HES1: variants seen among roughly 807,000 people sequenced by gnomAD.
HES1 encodes hes family bHLH transcription factor 1, also known as transcription factor HES-1.
A neutral mutation model predicts 21.0 loss-of-function variants in HES1; 7 were observed. The observed-to-expected ratio is 0.33, with a 90% CI of 0.19 to 0.63. The LOEUF is 0.63. Ranked by LOEUF, HES1 falls within the 20% of genes least tolerant of loss-of-function variation. The pLI, the probability that HES1 is intolerant of heterozygous loss-of-function variation, is 0.78. For missense variants in HES1, 338 were observed against 389.8 expected, an observed-to-expected ratio of 0.87 and a Z score of 1.12; for synonymous variants, 169 against 171.2, an observed-to-expected ratio of 0.99 and a Z score of 0.10.
Position 194,138,272 on chromosome 3 carries a change from C to T in HES1, c.*39C>T, listed in dbSNP as rs1715398172. ...ACCCCTCCTCCTAAACTCCCCAACC[C>T]ACCTCTCTTCCCTCCGGACTCTAAA... On this transcript the variant is annotated 3_prime_UTR_variant, in exon 4 of 4. Transcript: ENST00000232424. 2.0e-6 allele frequency: 3 copies of T among 1,485,792 alleles called. No homozygotes were observed. Among genetic ancestry groups the T allele is most frequent in the Non-Finnish European group, 2.7e-6 (3 of 1,117,256 alleles). 92.0% of individuals were successfully genotyped at this position (1,485,792 alleles called of 1,614,324 possible). A position where few individuals can be genotyped will look rare whatever the true frequency, so the allele number is the denominator to read the frequency against.
rs764826377 is a variant in HES1, at chr3:194,137,084, T to TC, written c.292+39dup. The TC allele has an allele frequency of 4.7e-5, 74 of 1,559,184 alleles. No individual in the cohort carries two copies. The African/African-American group carries it at 8.4e-4, about 18-fold the overall frequency. ...CTCGCCGCGTCCCCCTGTGCGGGCG[T>TC]CCCGCTCGCCTCGCGGTGATTTCTT... On this transcript the variant is annotated intron_variant, in intron 3 of 3. Coordinates refer to ENST00000232424, the MANE Select transcript of HES1 (RefSeq NM_005524.4). This position sits in a 1 kb window ranked among gnomAD's most constrained non-coding sequence, Gnocchi z 5.4.
chr3:194,138,082 T>G lies in HES1; in HGVS notation c.692T>G (p.Phe231Cys). Residue 231 changes from phenylalanine to cysteine, a missense_variant, in exon 4 of 4, where the codon TTC becomes TGC. Transcript: ENST00000232424. ...VVPAPDGQFA[F>C]LIPNGAFAHS... ...CCGGCTCCCGATGGCCAGTTTGCTT[T>G]CCTCATTCCCAACGGGGCCTTCGCG... 6.2e-7 allele frequency: 1 copy of G among 1,611,610 alleles called. No individual in the cohort carries two copies. The highest frequency in any genetic ancestry group is 8.5e-7 in the Non-Finnish European group (1 of 1,179,326).
At position 194,137,509 on chromosome 3, in the gene HES1, A is replaced by G. The variant is rs946448003; in HGVS notation, c.293-174A>G. ...AGGAGTGGCTCGGCTTTTGGCAGCA[A>G]CGCTAGTGTGGAGAGGTGGCTGGTT... On this transcript the variant is annotated intron_variant, in intron 3 of 3. Transcript: ENST00000232424. This position sits in a 1 kb window ranked among gnomAD's most constrained non-coding sequence, Gnocchi z 5.4. Among the ~76,000 whole-genome samples, 25 of 152,168 alleles carry G rather than the reference A, an allele frequency of 1.6e-4. No homozygotes were observed. Among genetic ancestry groups the G allele is most frequent in the African/African-American group, 6.0e-4 (25 of 41,444 alleles).
chr3:194,138,558 C>T lies in HES1; in HGVS notation c.*325C>T, dbSNP rs755187324. The stretch of plus-strand genomic sequence containing the variant: ...TTGAAAATGCTCTTAAAATATCTTC[C>T]TTTGGGGAAGTTTATTTGAGAAAAT... On this transcript the variant is annotated 3_prime_UTR_variant, in exon 4 of 4. Coordinates refer to ENST00000232424, the MANE Select transcript of HES1 (RefSeq NM_005524.4). 20 of 246,496 alleles carry T rather than the reference C, an allele frequency of 8.1e-5. No individual in the cohort carries two copies. The highest frequency in any genetic ancestry group is 1.4e-4 in the Non-Finnish European group (19 of 131,132). 15.3% of individuals were successfully genotyped at this position (246,496 alleles called of 1,614,324 possible).
Position 194,137,924 on chromosome 3 carries a change from C to G in HES1, c.534C>G (p.His178Gln). 3 of 1,305,870 alleles carry G rather than the reference C, an allele frequency of 2.3e-6. No homozygotes were observed. Among genetic ancestry groups the G allele is most frequent in the Non-Finnish European group, 2.9e-6 (3 of 1,027,292 alleles). 80.9% of individuals were successfully genotyped at this position (1,305,870 alleles called of 1,614,324 possible). A position where few individuals can be genotyped will look rare whatever the true frequency, so the allele number is the denominator to read the frequency against. The change falls in exon 4 of 4, where the codon CAC becomes CAG. Residue 178 changes from histidine to glutamine, a missense_variant. Coordinates refer to ENST00000232424, the MANE Select transcript of HES1 (RefSeq NM_005524.4). The surrounding 1 kb of genome is among the most constrained non-coding windows in gnomAD (Gnocchi z 5.4). ...CACCGGGACCCGGCGGCCCCCAGCA[C>G]GCGCCGTTCGCGCCGCCGCCGCCAC... ...PPPPGPGGPQHAPFAPPPPLV... is the reference protein window; with the variant it reads ...PPPPGPGGPQQAPFAPPPPLV...
chr3:194,136,154 G>A lies in HES1; in HGVS notation c.-227G>A, dbSNP rs1184628872. 2.1e-6 allele frequency: 1 copy of A among 475,682 alleles called. No homozygotes were observed. Among genetic ancestry groups the A allele is most frequent in the Non-Finnish European group, 3.8e-6 (1 of 265,832 alleles). 29.5% of individuals were successfully genotyped at this position (475,682 alleles called of 1,614,324 possible). The stretch of plus-strand genomic sequence containing the variant: ...CCGCCAGGGCCTAGGGATCACACAG[G>A]ATCCGGAGCTGGTGCTGATAACAGC... On this transcript the variant is annotated 5_prime_UTR_variant, in exon 1 of 4. Coordinates refer to ENST00000232424, the MANE Select transcript of HES1 (RefSeq NM_005524.4).
chr3:194,136,443 C>T lies in HES1; in HGVS notation c.63C>T (p.Val21=), dbSNP rs1029869633. 1 of 1,612,080 alleles carries T rather than the reference C, an allele frequency of 6.2e-7. No individual in the cohort carries two copies. The highest frequency in any genetic ancestry group is 1.3e-5 in the African/African-American group (1 of 74,494). The change falls in exon 1 of 4, where the codon GTC becomes GTT. Residue 21 remains valine, a synonymous_variant. Coordinates refer to ENST00000232424, the MANE Select transcript of HES1 (RefSeq NM_005524.4). ...SSPVAATPAS[V]NTTPDKPKTA... ...CGGTGGCTGCTACCCCAGCCAGTGTCAACACGACACCGGATAAACCAAAGA... is the reference window on the plus strand; with the variant it reads ...CGGTGGCTGCTACCCCAGCCAGTGTTAACACGACACCGGATAAACCAAAGA...
chr3:194,138,107 G>T lies in HES1; in HGVS notation c.717G>T (p.Ala239=), dbSNP rs764280631. 16 of 1,612,044 alleles carry T rather than the reference G, an allele frequency of 9.9e-6. 1 individual carries two copies. The South Asian group carries it at 1.4e-4, about 14-fold the overall frequency. The change falls in exon 4 of 4, where the codon GCG becomes GCT. Residue 239 remains alanine, a synonymous_variant. Coordinates refer to ENST00000232424, the MANE Select transcript of HES1 (RefSeq NM_005524.4). ...FAFLIPNGAF[A]HSGPVIPVYT... is the part of the protein sequence containing the mutation. ...TCCTCATTCCCAACGGGGCCTTCGCGCACAGCGGCCCTGTCATCCCCGTCT... is the reference window on the plus strand; with the variant it reads ...TCCTCATTCCCAACGGGGCCTTCGCTCACAGCGGCCCTGTCATCCCCGTCT...
Position 194,137,122 on chromosome 3 carries a change from C to A in HES1, c.292+74C>A. On this transcript the variant is annotated intron_variant, in intron 3 of 3. Coordinates refer to ENST00000232424, the MANE Select transcript of HES1 (RefSeq NM_005524.4). The surrounding 1 kb of genome is among the most constrained non-coding windows in gnomAD (Gnocchi z 5.4). ...GCGGTGATTTCTTCCAGACTTCCGC[C>A]CGTGGTTGTGAGAGGCATTCAGCTA... 1.5e-6 allele frequency: 2 copies of A among 1,324,066 alleles called. No homozygotes were observed. Among genetic ancestry groups the A allele is most frequent in the South Asian group, 1.2e-5 (1 of 84,944 alleles). 82.0% of individuals were successfully genotyped at this position (1,324,066 alleles called of 1,614,324 possible).
intron 1 of HES1, 42 bp from the exon 2 acceptor site, chr3:194,136,575 G>T: frequency 6.3e-7 from 1 of 1,576,100 alleles, no homozygotes; most frequent in Non-Finnish European, 8.7e-7. Flanking sequence ...CCCCGGGATG[G>T]CAGATTCCAT....
chr3:194,137,023 G>C lies in HES1; in HGVS notation c.267G>C (p.Arg89=). The part of the protein sequence containing the change: ...DILEMTVKHL[R]NLQRAQMTAA... ...TGGAAATGACAGTGAAGCACCTCCG[G>C]AACCTGCAGCGGGCGCAGATGACGG... The change falls in exon 3 of 4, where the codon CGG becomes CGC. Residue 89 remains arginine, a synonymous_variant. Coordinates refer to ENST00000232424, the MANE Select transcript of HES1 (RefSeq NM_005524.4). The surrounding 1 kb of genome is among the most constrained non-coding windows in gnomAD (Gnocchi z 5.4). 1 of 1,614,208 alleles carries C rather than the reference G, an allele frequency of 6.2e-7. No individual in the cohort carries two copies. Among genetic ancestry groups the C allele is most frequent in the Middle Eastern group, 1.6e-4 (1 of 6,062 alleles).
In HES1 at chr3:194,137,227, C is replaced by T; in HGVS notation, c.292+179C>T. The T allele has an allele frequency of 3.1e-6, 2 of 646,582 alleles. No individual in the cohort carries two copies. Among genetic ancestry groups the T allele is most frequent in the Non-Finnish European group, 5.5e-6 (2 of 366,576 alleles). The allele number at this position is 646,582 out of a possible 1,614,324, so 40.1% of individuals were successfully genotyped here. On this transcript the variant is annotated intron_variant, in intron 3 of 3. Coordinates refer to ENST00000232424, the MANE Select transcript of HES1 (RefSeq NM_005524.4). This position sits in a 1 kb window ranked among gnomAD's most constrained non-coding sequence, Gnocchi z 5.4. ...GCCACAACTCCAAGTTGTTACTGTTCCGGAAAGGGAGGGAAAGAGGTTGCA... is the reference window on the plus strand; with the variant it reads ...GCCACAACTCCAAGTTGTTACTGTTTCGGAAAGGGAGGGAAAGAGGTTGCA...
chr3:194,136,419 G>T lies in HES1; in HGVS notation c.39G>T (p.Pro13=). 1 of 1,606,026 alleles carries T rather than the reference G, an allele frequency of 6.2e-7. No individual in the cohort carries two copies. Among genetic ancestry groups the T allele is most frequent in the Non-Finnish European group, 8.5e-7 (1 of 1,177,694 alleles). The change falls in exon 1 of 4, where the codon CCG becomes CCT. Residue 13 remains proline, a synonymous_variant. Coordinates refer to ENST00000232424, the MANE Select transcript of HES1 (RefSeq NM_005524.4). The stretch of plus-strand genomic sequence containing the variant: ...TAATGGAGAAAAATTCCTCGTCCCC[G>T]GTGGCTGCTACCCCAGCCAGTGTCA... The part of the protein sequence containing the change: ...ADIMEKNSSS[P]VAATPASVNT...
In HES1 at chr3:194,136,394, T is replaced by C. The variant is rs771360458; in HGVS notation, c.14T>C (p.Ile5Thr). The C allele has an allele frequency of 7.7e-6, 12 of 1,563,704 alleles. No homozygotes were observed. Among genetic ancestry groups the C allele is most frequent in the East Asian group, 6.8e-5 (3 of 44,314 alleles). The change falls in exon 1 of 4, where the codon ATA (isoleucine) becomes ACA (threonine). Residue 5 changes from isoleucine to threonine, a missense_variant. Physicochemically the swap from Ile to Thr is moderately conservative, Grantham distance 89. Transcript: ENST00000232424. MPAD[I>T]MEKNSSSPVA... ...AAAAAAAGGAAAATGCCAGCTGATA[T>C]AATGGAGAAAAATTCCTCGTCCCCG...
intron 2 of HES1, 57 bp from the exon 3 acceptor site, chr3:194,136,904 A>G (rs1172405751): frequency 6.5e-7 from 1 of 1,528,428 alleles, no homozygotes; most frequent in East Asian, 2.2e-5. Flanking sequence ...AGGGACCCCC[A>G]GCACTCTGAA....
At position 194,137,117 on chromosome 3, in the gene HES1, TC is replaced by T. The variant is rs779858549; in HGVS notation, c.292+71del. On this transcript the variant is annotated intron_variant, in intron 3 of 3. Coordinates refer to ENST00000232424, the MANE Select transcript of HES1 (RefSeq NM_005524.4). The surrounding 1 kb of genome is among the most constrained non-coding windows in gnomAD (Gnocchi z 5.4). ...GCCTCGCGGTGATTTCTTCCAGACT[TC>T]CGCCCGTGGTTGTGAGAGGCATTCA... 2.1e-4 allele frequency: 292 copies of T among 1,361,640 alleles called. No individual in the cohort carries two copies. The highest frequency in any genetic ancestry group is 2.8e-4 in the Non-Finnish European group (265 of 951,612). The allele number at this position is 1,361,640 out of a possible 1,614,324, so 84.3% of individuals were successfully genotyped here. A position where few individuals can be genotyped will look rare whatever the true frequency, so the allele number is the denominator to read the frequency against.
chr3:194,137,043 T>C lies in HES1; in HGVS notation c.287T>C (p.Met96Thr), dbSNP rs751544858. The C allele has an allele frequency of 1.4e-5, 23 of 1,613,822 alleles. No individual in the cohort carries two copies. Among genetic ancestry groups the C allele is most frequent in the Non-Finnish European group, 5.9e-6 (7 of 1,179,884 alleles). Residue 96 changes from methionine (M) to threonine (T), a missense_variant, in exon 3 of 4, where the codon ATG becomes ACG. Physicochemically the swap from Met to Thr is moderately conservative, Grantham distance 81. Transcript: ENST00000232424. The surrounding 1 kb of genome is among the most constrained non-coding windows in gnomAD (Gnocchi z 5.4). The stretch of plus-strand genomic sequence containing the variant: ...CTCCGGAACCTGCAGCGGGCGCAGA[T>C]GACGGGTGAGGGCGGCTCGCCGCGT... ...KHLRNLQRAQ[M>T]TAALSTDPSV...
In HES1 at chr3:194,137,856, C is replaced by G; in HGVS notation, c.466C>G (p.Pro156Ala). ...CMTQINAMTY[P>A]GQPHPALQAP... Reference sequence around the variant, plus strand: ...GACCCAGATCAATGCCATGACCTACCCCGGGCAGCCGCACCCCGCCTTGCA... The same window carrying G: ...GACCCAGATCAATGCCATGACCTACGCCGGGCAGCCGCACCCCGCCTTGCA... The change falls in exon 4 of 4, where the codon CCC (proline) becomes GCC (alanine). Residue 156 changes from proline (P) to alanine (A), a missense_variant. Transcript: ENST00000232424. The surrounding 1 kb of genome is among the most constrained non-coding windows in gnomAD (Gnocchi z 5.4). 6.5e-7 allele frequency: 1 copy of G among 1,540,250 alleles called. No homozygotes were observed. The highest frequency in any genetic ancestry group is 8.8e-7 in the Non-Finnish European group (1 of 1,141,544).
At position 194,136,932 on chromosome 3, in the gene HES1, C is replaced by A. The variant is rs371168546; in HGVS notation, c.205-29C>A. On this transcript the variant is annotated intron_variant, in intron 2 of 3. Coordinates refer to ENST00000232424, the MANE Select transcript of HES1 (RefSeq NM_005524.4). ...ACTCTGAAGCAGCTGACACGGGGCT[C>A]ACTTTCCTTTCTTGCCTACTCTATG... 7 of 1,604,620 alleles carry A rather than the reference C, an allele frequency of 4.4e-6. No homozygotes were observed. In the East Asian group the frequency reaches 6.7e-5, roughly 15 times the overall value.
Sources: gnomAD v4.1 joint callset for allele counts (sites outside exome capture counted in the v4.1 genomes callset) on GRCh38, gnomAD v4.1.1 for gene constraint, Gnocchi (gnomAD v3.1) non-coding constraint, MANE v1.5 for transcripts, NCBI Gene and HGNC (gene_info 2026-07-23, HGNC 2026-07-21) for gene names.